Variants in UNC13A observed in about 807,000 individuals in gnomAD.
UNC13A encodes the protein unc-13 homolog A, also known as protein unc-13 homolog A.
In UNC13A, 61 loss-of-function variants were observed where a neutral mutation model predicts 219.7. That is an observed-to-expected ratio of 0.28 (90% CI 0.23 to 0.34). The LOEUF (loss-of-function observed/expected upper bound fraction) is 0.34, where lower values mean the gene tolerates loss of function less well. Among genes scored for constraint, UNC13A ranks in the 10% least tolerant of loss-of-function variants. The probability of loss-of-function intolerance (pLI) is 1.00; values close to 1 mark genes in which losing one functional copy is unlikely to be tolerated. For synonymous variants in UNC13A, 920 were observed against 884.6 expected (o/e 1.04, Z -0.71); for missense variants, 1,476 against 2,270.3 (o/e 0.65, Z 7.11).
At position 17,606,310 on chromosome 19, in the gene UNC13A, A is replaced by G. The variant is rs1412493977; in HGVS notation, c.4856T>C (p.Val1619Ala). The change falls in exon 44 of 44, where the codon GTG becomes GCG. Residue 1619 changes from valine (V) to alanine (A), a missense_variant. Val to Ala is a moderately conservative substitution (Grantham distance 64). This residue lies in a region of UNC13A where 187 missense variants were observed against 172.3 expected (regional missense o/e 1.09). Coordinates refer to ENST00000519716, the MANE Select transcript of UNC13A (RefSeq NM_001080421.3). ...DAGPECYELQ[V>A]CVKDYCFARE... ...CGCGAAGCAGTAGTCCTTGACGCACACCTGCAGCTCATAGCACTCGGGACC... is the reference window on the plus strand; with the variant it reads ...CGCGAAGCAGTAGTCCTTGACGCACGCCTGCAGCTCATAGCACTCGGGACC... 6.5e-6 allele frequency: 10 copies of G among 1,549,488 alleles called. No individual in the cohort carries two copies. The highest frequency in any genetic ancestry group is 8.7e-6 in the Non-Finnish European group (10 of 1,147,704).
In UNC13A at chr19:17,649,670, A is replaced by C; in HGVS notation, c.1440-83T>G. 6.7e-7 allele frequency: 1 copy of C among 1,489,958 alleles called. No homozygotes were observed. Among genetic ancestry groups the C allele is most frequent in the Non-Finnish European group, 9.4e-7 (1 of 1,069,320 alleles). 92.3% of individuals were successfully genotyped at this position (1,489,958 alleles called of 1,614,324 possible). A position where few individuals can be genotyped will look rare whatever the true frequency, so the allele number is the denominator to read the frequency against. On this transcript the variant is annotated intron_variant, in intron 12 of 43. Transcript: ENST00000519716. This position sits in a 1 kb window ranked among gnomAD's most constrained non-coding sequence, Gnocchi z 4.4. ...CTGGGGAGAACATTCAACCTCCCCC[A>C]GGTGTTAAGGGGTTGAATTGGGTCC... is the stretch of plus-strand genomic sequence containing the variant.
Position 17,656,245 on chromosome 19 carries a change from C to T in UNC13A, c.921G>A (p.Ser307=), listed in dbSNP as rs761444274. The change falls in exon 10 of 44, where the codon TCG becomes TCA. Residue 307 remains serine, a synonymous_variant. Transcript: ENST00000519716. The part of the protein sequence containing the change: ...DRDSYHSCHS[S]VSYHKDSPRW... Reference sequence around the variant, plus strand: ...GAGGCGAGTCTTTGTGGTAGCTGACCGAGCTGTGGCAGGAGTGGTAGGAGT... The same window carrying T: ...GAGGCGAGTCTTTGTGGTAGCTGACTGAGCTGTGGCAGGAGTGGTAGGAGT... The T allele has an allele frequency of 1.9e-5, 30 of 1,552,002 alleles. No homozygotes were observed. The highest frequency in any genetic ancestry group is 1.7e-4 in the Middle Eastern group (1 of 6,016).
At chr19:17,666,579 A>C in intron 7 of UNC13A, 71 bp downstream of exon 7, 2 of 1,200,808 alleles carry the variant, frequency 1.7e-6, no homozygotes, top group Non-Finnish European at 2.2e-6. Context: ...GCCTTTAGAC[A>C]GGACAGTCAT....
At chr19:17,609,857 C>A in intron 43 of UNC13A, 83 bp downstream of exon 43, 1 of 1,583,876 alleles carries the variant, frequency 6.3e-7, no homozygotes, top group Non-Finnish European at 8.6e-7. Context: ...ATTCCAGATA[C>A]CTCCTGCCTA....
chr19:17,627,529 G>T lies in UNC13A; in HGVS notation c.3900C>A (p.Leu1300=). The T allele has an allele frequency of 6.4e-7, 1 of 1,561,626 alleles. No individual in the cohort carries two copies. ...QVKLNNVLDE[L]SRVFATSFQP... is the part of the protein sequence containing the mutation. ...CCCACCTGGTAGCAAACACCCGGCT[G>T]AGCTCATCCAAGACGTTATTGAGTT... The change falls in exon 33 of 44, where the codon CTC becomes CTA. Residue 1300 remains leucine (L), a synonymous_variant. Transcript: ENST00000519716. This position sits in a 1 kb window ranked among gnomAD's most constrained non-coding sequence, Gnocchi z 4.7.
At chr19:17,610,893 T>C (rs1164361491) in intron 42 of UNC13A, among the ~76,000 whole-genome samples, 1 of 152,086 alleles carries the variant, frequency 6.6e-6, no homozygotes, top group Non-Finnish European at 1.5e-5. Context: ...AGTAGCCAGG[T>C]GTGATGCTGC....
At chr19:17,655,807 CGCTGACCCCATCATAGCCCT>C in intron 10 of UNC13A, 56 bp downstream of exon 10, 4 of 1,443,552 alleles carry the variant, frequency 2.8e-6, no homozygotes, top group Non-Finnish European at 3.6e-6. Flanking sequence ...CCCAGGTCCA[CGCTGACCCCATCATAGCCCT>C]GCTGACCCTG....
chr19:17,652,721 C>T, intron 11 of UNC13A, 44 bp from the exon 12 acceptor site: 1 of 1,611,624 alleles, frequency 6.2e-7, no homozygotes, highest in Non-Finnish European at 8.5e-7. Flanking sequence ...GCTGTCCCTC[C>T]CCTCCCCAGA....
At chr19:17,666,758 G>A in intron 6 of UNC13A, 54 bp from the exon 7 acceptor site, 2 of 1,409,028 alleles carry the variant, frequency 1.4e-6, no homozygotes, top group Non-Finnish European at 1.9e-6. Context: ...CAAAGGCCAG[G>A]GGACCAGGAT....
intron 31 of UNC13A, 85 bp from the exon 32 acceptor site, chr19:17,628,025 G>A: frequency 2.2e-6 from 3 of 1,364,802 alleles, no homozygotes; most frequent in South Asian, 2.4e-5. Flanking sequence ...CCTTGGGATG[G>A]TTTCAGGGTC....
intron 8 of UNC13A, among the ~76,000 whole-genome samples, chr19:17,661,102 C>T (rs56857389): frequency 8.7e-6 from 1 of 114,414 alleles, no homozygotes; most frequent in Non-Finnish European, 2.0e-5. Context: ...CCACACCCGG[C>T]CCTTTTTTTT....
chr19:17,612,062 C>G (rs2076610266), intron 41 of UNC13A: 5 of 506,138 alleles, frequency 9.9e-6, no homozygotes, highest in Non-Finnish European at 1.4e-5. Flanking sequence ...GCTGTGTGAT[C>G]TTGGGTAGAT....
At chr19:17,653,742 C>T (rs1197739573) in intron 11 of UNC13A, among the ~76,000 whole-genome samples, 12 of 152,026 alleles carry the variant, frequency 7.9e-5, no homozygotes, top group Non-Finnish European at 1.5e-4. Flanking sequence ...AGCCTCCCGC[C>T]TCGACCTCCC....
intron 41 of UNC13A, among the ~76,000 whole-genome samples, chr19:17,615,615 G>A (rs752413576): frequency 6.6e-6 from 1 of 152,036 alleles, no homozygotes. Context: ...GGAGGCGGAC[G>A]GAGGTTGCAG....
At chr19:17,611,631 T>C in intron 42 of UNC13A, 132 bp downstream of exon 42, 1 of 721,118 alleles carries the variant, frequency 1.4e-6, no homozygotes, top group Non-Finnish European at 2.4e-6. Flanking sequence ...TGCCTGAAGG[T>C]GGCCACCTTT....
chr19:17,661,050 C>A (rs2079542301), intron 8 of UNC13A, among the ~76,000 whole-genome samples: 2 of 151,808 alleles, frequency 1.3e-5, no homozygotes, highest in Admixed American at 6.6e-5. Flanking sequence ...ACAACCCTCC[C>A]ACCTCAGCCT....
At chr19:17,630,855 T>A in intron 28 of UNC13A, 105 bp from the exon 29 acceptor site, 1 of 1,002,184 alleles carries the variant, frequency 1.0e-6, no homozygotes, top group Non-Finnish European at 1.5e-6. Context: ...CTGCTCCTGC[T>A]CTGCCTGGAG....
chr19:17,616,938 C>G (rs1006373032), intron 41 of UNC13A, among the ~76,000 whole-genome samples: 15 of 152,278 alleles, frequency 9.9e-5, no homozygotes, highest in African/African-American at 3.4e-4. Flanking sequence ...TCCATCCAGC[C>G]CCAGCTGCCG....
chr19:17,648,988 G>A lies in UNC13A; in HGVS notation c.1525-5C>T, dbSNP rs747200422. The A allele has an allele frequency of 4.6e-5, 74 of 1,597,524 alleles. No individual in the cohort carries two copies. The highest frequency in any genetic ancestry group is 8.8e-5 in the Admixed American group (5 of 56,922). ...TTTCCTGGACTGGACCAGGGACTGG[G>A]GAGGTCACAGAAGAGGGAGTCGGGG... On this transcript the variant is annotated splice_polypyrimidine_tract_variant and splice_region_variant and intron_variant, in intron 14 of 43. Transcript: ENST00000519716.
Sources: allele counts gnomAD v4.1 joint callset (sites outside exome capture counted in the v4.1 genomes callset), GRCh38; gene constraint gnomAD v4.1.1; regional missense constraint gnomAD v4.1.1; non-coding constraint Gnocchi (gnomAD v3.1); transcripts MANE v1.5; gene names NCBI Gene and HGNC (gene_info 2026-07-23, HGNC 2026-07-21).